Variants in ABL1 observed in about 807,000 individuals in gnomAD.
ABL1 encodes ABL proto-oncogene 1, non-receptor tyrosine kinase, also known as tyrosine-protein kinase ABL1.
A neutral mutation model predicts 94.7 loss-of-function variants in ABL1; 11 were observed. The ratio of observed to expected loss-of-function variants is 0.12; its 90% CI spans 0.07 to 0.19. The LOEUF is 0.19. ABL1 is among the 10% of genes least tolerant of loss of function. ABL1 has a pLI of 1.00. For synonymous variants in ABL1, 656 were observed against 622.4 expected (o/e 1.05, Z -0.80); for missense variants, 1,082 against 1,489.4 (o/e 0.73, Z 4.50).
chr9:130,727,751 G>GT (rs1490319353), intron 1 of ABL1, among the ~76,000 whole-genome samples: 1 of 88,208 alleles, frequency 1.1e-5, no homozygotes, highest in African/African-American at 7.3e-5. Flanking sequence ...GTGAGACACC[G>GT]CCCCCCCCCC....
At chr9:130,851,440 G>A (rs978704684) in intron 1 of ABL1, among the ~76,000 whole-genome samples, 2 of 152,178 alleles carry the variant, frequency 1.3e-5, no homozygotes, top group African/African-American at 4.8e-5. Context: ...ACAGAAGCGA[G>A]ACTTGAAGCT....
At chr9:130,764,273 T>G (rs1832153845) in intron 1 of ABL1, among the ~76,000 whole-genome samples, 1 of 152,168 alleles carries the variant, frequency 6.6e-6, no homozygotes, top group Non-Finnish European at 1.5e-5. Flanking sequence ...AGCCGAGTTT[T>G]CTGGAGTGCG....
intron 1 of ABL1, among the ~76,000 whole-genome samples, chr9:130,765,515 A>G (rs943532373): frequency 6.6e-6 from 1 of 152,192 alleles, no homozygotes; most frequent in Admixed American, 6.5e-5. Context: ...ATAAATTCCT[A>G]GAAGTGGAAT....
At chr9:130,726,023 A>T (rs1034450896) in intron 1 of ABL1, among the ~76,000 whole-genome samples, 3 of 151,062 alleles carry the variant, frequency 2.0e-5, no homozygotes, top group African/African-American at 7.3e-5. Context: ...TAATTTAAAA[A>T]AAAAATTTAT....
At chr9:130,820,361 C>T (rs763479194) in intron 1 of ABL1, among the ~76,000 whole-genome samples, 1 of 152,148 alleles carries the variant, frequency 6.6e-6, no homozygotes, top group Admixed American at 6.5e-5. Flanking sequence ...CTTGTGAGGG[C>T]GTCCAAATGC....
intron 1 of ABL1, among the ~76,000 whole-genome samples, chr9:130,816,952 C>A (rs1003965368): frequency 1.3e-5 from 2 of 151,992 alleles, no homozygotes; most frequent in African/African-American, 4.8e-5. Context: ...TGATTCCCCC[C>A]GCCTTGGCCT....
At chr9:130,833,076 ATATT>A (rs1830512342), upstream of ABL1, among the ~76,000 whole-genome samples, 2 of 152,142 alleles carry the variant, frequency 1.3e-5, no homozygotes, top group Non-Finnish European at 2.9e-5. Context: ...CAAGAGCAGA[ATATT>A]AGTAATAATA....
intron 8 of ABL1, among the ~76,000 whole-genome samples, chr9:130,878,790 C>G (rs1199690275): frequency 1.3e-5 from 2 of 152,076 alleles, no homozygotes; most frequent in African/African-American, 4.8e-5. Context: ...TTGATAGATA[C>G]CAAACCTGGG....
chr9:130,735,967 T>TC (rs1217819029), intron 1 of ABL1, among the ~76,000 whole-genome samples: 1,409 of 122,290 alleles, frequency 0.012, 23 homozygotes, highest in Admixed American at 0.016. Context: ...ATATATTTTT[T>TC]TTTTTTAAGA....
chr9:130,853,563 C>T (rs891158437), intron 1 of ABL1, among the ~76,000 whole-genome samples: 6 of 151,602 alleles, frequency 4.0e-5, no homozygotes, highest in African/African-American at 9.7e-5. Flanking sequence ...TACAGGTGTG[C>T]GTCACCATGC....
chr9:130,771,420 A>T (rs1017143852), intron 1 of ABL1, among the ~76,000 whole-genome samples: 3 of 152,130 alleles, frequency 2.0e-5, no homozygotes, highest in Non-Finnish European at 4.4e-5. Flanking sequence ...TCATTTTATT[A>T]GCTTGATAAC....
intron 1 of ABL1, among the ~76,000 whole-genome samples, chr9:130,851,989 G>A (rs796397395): frequency 9.2e-5 from 14 of 151,992 alleles, no homozygotes; most frequent in African/African-American, 3.1e-4. Flanking sequence ...ATGTTGGCCA[G>A]GCTGGTCTCG....
At chr9:130,804,327 T>C (rs1830097126) in intron 1 of ABL1, among the ~76,000 whole-genome samples, 1 of 150,848 alleles carries the variant, frequency 6.6e-6, no homozygotes, top group African/African-American at 2.5e-5. Flanking sequence ...TGGCTCACAC[T>C]TGTAATCCCA....
intron 1 of ABL1, among the ~76,000 whole-genome samples, chr9:130,829,502 T>C (rs1478889090): frequency 6.6e-6 from 1 of 151,116 alleles, no homozygotes; most frequent in Non-Finnish European, 1.5e-5. Context: ...GAGGCGGAGC[T>C]TGCAGTGGGC....
At chr9:130,779,962 G>C (rs1335863934) in intron 1 of ABL1, among the ~76,000 whole-genome samples, 1 of 152,152 alleles carries the variant, frequency 6.6e-6, no homozygotes, top group African/African-American at 2.4e-5. Flanking sequence ...TTATAATTTG[G>C]ATGTTCTTAA....
chr9:130,753,196 G>A (rs1323656685), intron 1 of ABL1, among the ~76,000 whole-genome samples: 1 of 151,874 alleles, frequency 6.6e-6, no homozygotes, highest in African/African-American at 2.4e-5. Flanking sequence ...GGCAGAGCTT[G>A]CAGTGAGCCA....
At position 130,863,755 on chromosome 9, in the gene ABL1, A is replaced by C. The variant is rs1423561627; in HGVS notation, c.822+720A>C. Among the ~76,000 whole-genome samples the C allele has an allele frequency of 6.6e-6, 1 of 152,190 alleles. No individual in the cohort carries two copies. The highest frequency in any genetic ancestry group is 1.5e-5 in the Non-Finnish European group (1 of 68,030). ...TCATTTTCAGCCCTTTGCATTCTTC[A>C]AAATGTGATCCAGGCTTTTCCCTGT... On this transcript the variant is annotated intron_variant, in intron 4 of 10. Transcript: ENST00000318560. The surrounding 1 kb of genome is among the most constrained non-coding windows in gnomAD (Gnocchi z 4.3).
chr9:130,865,965 A>G (rs571809622), intron 4 of ABL1, among the ~76,000 whole-genome samples: 126 of 151,962 alleles, frequency 8.3e-4, no homozygotes, highest in Middle Eastern at 3.4e-3. Context: ...CAAATCCAAA[A>G]CTTTTTGAGC....
chr9:130,720,861 GC>G (rs1831505492), intron 1 of ABL1, among the ~76,000 whole-genome samples: 1 of 151,990 alleles, frequency 6.6e-6, no homozygotes, highest in Non-Finnish European at 1.5e-5. Flanking sequence ...TGTGAGAGGG[GC>G]CAAGTGTGAC....
Sources: gnomAD v4.1 joint callset for allele counts (sites outside exome capture counted in the v4.1 genomes callset) on GRCh38, gnomAD v4.1.1 for gene constraint, Gnocchi (gnomAD v3.1) non-coding constraint, MANE v1.5 for transcripts, NCBI Gene and HGNC (gene_info 2026-07-23, HGNC 2026-07-21) for gene names.